KLF16: variants seen among roughly 807,000 people sequenced by gnomAD.
The protein encoded by KLF16 is KLF transcription factor 16, also known as Krueppel-like factor 16.
Under a neutral mutation model 6.1 loss-of-function variants are expected in KLF16, and 6 were observed. That is an observed-to-expected ratio of 0.98 (90% confidence interval 0.54 to 1.93). KLF16 has a LOEUF of 1.93. KLF16 is among the 30% of genes most tolerant of loss of function. KLF16 has a pLI of 0.01. For synonymous variants in KLF16, 211 were observed against 176.5 expected, an observed-to-expected ratio of 1.20 and a Z score of -1.55; for missense variants, 355 against 363.8, an observed-to-expected ratio of 0.98 and a Z score of 0.20.
At chr19:1,873,064 C>T in the KLF16 span, among the ~76,000 whole-genome samples, 5 of 152,186 alleles carry the variant, frequency 3.3e-5, no homozygotes, top group Non-Finnish European at 5.9e-5. Context: ...ACGGCCACCA[C>T]AGGCCAAGAG....
In KLF16 at chr19:1,853,004, T is replaced by C. The variant is rs964365756; in HGVS notation, c.*1455A>G. ...ACAAAAGGGGGTACCAAAAACCTCC[T>C]GCAGCCAACAGTGGGGGGATCCACC... On this transcript the variant is annotated 3_prime_UTR_variant, in exon 2 of 2. Transcript: ENST00000250916. 2 of 152,240 alleles carry C rather than the reference T, an allele frequency of 1.3e-5. No individual in the cohort carries two copies. The highest frequency in any genetic ancestry group is 2.9e-5 in the Non-Finnish European group (2 of 68,122). The allele number at this position is 152,240 out of a possible 1,614,324, so 9.4% of individuals were successfully genotyped here. A position where few individuals can be genotyped will look rare whatever the true frequency, so the allele number is the denominator to read the frequency against.
chr19:1,852,940 GC>G lies in KLF16; in HGVS notation c.*1518del. ...CAGGTGCACACCAGTGCCATCCAAA[GC>G]CCCCCTGTCCCCAAGCGAGAGGCAG... On this transcript the variant is annotated 3_prime_UTR_variant, in exon 2 of 2. Transcript: ENST00000250916. 1 of 152,280 alleles carries G rather than the reference GC, an allele frequency of 6.6e-6. No individual in the cohort carries two copies. The highest frequency in any genetic ancestry group is 1.5e-5 in the Non-Finnish European group (1 of 68,058). The allele number at this position is 152,280 out of a possible 1,614,324, so 9.4% of individuals were successfully genotyped here. A position where few individuals can be genotyped will look rare whatever the true frequency, so the allele number is the denominator to read the frequency against.
the KLF16 span, chr19:1,875,347 T>C: frequency 6.6e-6 from 1 of 152,216 alleles, no homozygotes. Context: ...TCTGAATGCA[T>C]GGGGCGCTCT....
chr19:1,875,679 G>C, the KLF16 span: 1 of 152,332 alleles, frequency 6.6e-6, no homozygotes, highest in African/African-American at 2.4e-5. Flanking sequence ...GACGGCGTCA[G>C]AGGACAACAC....
chr19:1,863,376 AGGCCGGCGGCGGGGCCCGCGCCCTCGG>A lies in KLF16; in HGVS notation c.95_121del (p.Pro32_Gly40del). 1.0e-6 allele frequency: 1 copy of A among 980,282 alleles called. No homozygotes were observed. Among genetic ancestry groups the A allele is most frequent in the East Asian group, 1.2e-4 (1 of 8,530 alleles). 60.7% of individuals were successfully genotyped at this position (980,282 alleles called of 1,614,324 possible). On this transcript the variant is annotated inframe_deletion, in exon 1 of 2. Transcript: ENST00000250916. ...CTCGCGGCGCGCCGCGCGCACATCCAGGCCGGCGGCGGGGCCCGCGCCCTCGGGGCCGGGCCGCCCGCGGTGCACCAC... is the reference window on the plus strand; with the variant it reads ...CTCGCGGCGCGCCGCGCGCACATCCAGGCCGGGCCGCCCGCGGTGCACCAC...
chr19:1,859,461 T>C lies in KLF16; in HGVS notation c.457+3580A>G, dbSNP rs573643591. On this transcript the variant is annotated intron_variant, in intron 1 of 1. Transcript: ENST00000250916. ...CTAATCCCTTCTCCATAAATGGATT[T>C]GCCTCTGCAAAGCCCAGCCTGCCTC... Among the ~76,000 whole-genome samples the C allele has an allele frequency of 2.6e-5, 4 of 152,162 alleles. No homozygotes were observed. The East Asian group carries it at 5.8e-4, about 22-fold the overall frequency.
In KLF16 at chr19:1,863,321, G is replaced by A. The variant is rs1159964771; in HGVS notation, c.177C>T (p.Pro59=). 5 of 981,434 alleles carry A rather than the reference G, an allele frequency of 5.1e-6. No individual in the cohort carries two copies. The highest frequency in any genetic ancestry group is 4.8e-6 in the Non-Finnish European group (4 of 828,870). The allele number at this position is 981,434 out of a possible 1,614,324, so 60.8% of individuals were successfully genotyped here. A position where few individuals can be genotyped will look rare whatever the true frequency, so the allele number is the denominator to read the frequency against. Residue 59 remains proline (P), a synonymous_variant, in exon 1 of 2, where the codon CCC becomes CCT. Transcript: ENST00000250916. ...GGCCAGAAGCGGCGGGGGGCGGCGG[G>A]GGTGGCCCCGGGGTCCCGGGTGAGG... ...EAASPGTPGP[P]PPPPAASGPG... is the part of the protein sequence containing the mutation.
chr19:1,873,869 G>A, the KLF16 span, among the ~76,000 whole-genome samples: 1 of 152,270 alleles, frequency 6.6e-6, no homozygotes, highest in Non-Finnish European at 1.5e-5. Flanking sequence ...ATGTGAGAGG[G>A]ACAGGCAGAG....
the KLF16 span, among the ~76,000 whole-genome samples, chr19:1,870,449 A>G: frequency 1.1e-4 from 17 of 151,596 alleles, no homozygotes. Flanking sequence ...AGGCGGGAGA[A>G]TCGCTTAAGG....
rs2011966061 is a variant in KLF16 at position 1,857,005 on chromosome 19, C to G, written c.458-2245G>C. Among the ~76,000 whole-genome samples, 1 of 143,140 alleles carries G rather than the reference C, an allele frequency of 7.0e-6. No homozygotes were observed. The highest frequency in any genetic ancestry group is 2.2e-4 in the South Asian group (1 of 4,638). 93.9% of individuals were successfully genotyped at this position (143,140 alleles called of 152,430 possible). A position where few individuals can be genotyped will look rare whatever the true frequency, so the allele number is the denominator to read the frequency against. On this transcript the variant is annotated intron_variant, in intron 1 of 1. Transcript: ENST00000250916. The surrounding 1 kb of genome is among the most constrained non-coding windows in gnomAD (Gnocchi z 4.7). The stretch of plus-strand genomic sequence containing the variant: ...GCGCAGCCGCTGGGAACACAGCTGC[C>G]GCACGTAGCTCGGCGGCGGCGGCGG...
upstream of KLF16, among the ~76,000 whole-genome samples, chr19:1,865,761 T>C (rs547674912): frequency 6.6e-6 from 1 of 152,272 alleles, no homozygotes; most frequent in East Asian, 1.9e-4. Context: ...TTCACACCCC[T>C]AAGCCCCAGG....
Position 1,854,475 on chromosome 19 carries a change from G to C in KLF16, c.743C>G (p.Ala248Gly). 1 of 1,419,824 alleles carries C rather than the reference G, an allele frequency of 7.0e-7. No individual in the cohort carries two copies. The highest frequency in any genetic ancestry group is 9.1e-7 in the Non-Finnish European group (1 of 1,099,484). The allele number at this position is 1,419,824 out of a possible 1,614,324, so 88.0% of individuals were successfully genotyped here. A position where few individuals can be genotyped will look rare whatever the true frequency, so the allele number is the denominator to read the frequency against. Residue 248 changes from alanine to glycine, a missense_variant, in exon 2 of 2, where the codon GCC becomes GGC. Ala to Gly is a moderately conservative substitution (Grantham distance 60). Transcript: ENST00000250916. ...SPAPSPAPSP[A>G]PAGL ...ACGAGGGCCCTACAGGCCTGCGGGG[G>C]CTGGGCTGGGCGCGGGGCTGGGCGC...
the KLF16 span, among the ~76,000 whole-genome samples, chr19:1,869,242 C>T: frequency 1.1e-4 from 16 of 152,240 alleles, no homozygotes; most frequent in African/African-American, 3.6e-4. Flanking sequence ...TTCCAGAGGC[C>T]GAGACAGGTG....
the KLF16 span, among the ~76,000 whole-genome samples, chr19:1,870,087 C>G: frequency 6.6e-6 from 1 of 151,816 alleles, no homozygotes; most frequent in Non-Finnish European, 1.5e-5. Flanking sequence ...CACGTGCCAC[C>G]AAACCCGGCT....
upstream of KLF16, among the ~76,000 whole-genome samples, chr19:1,867,243 A>G (rs1416802233): frequency 6.6e-6 from 1 of 152,210 alleles, no homozygotes; most frequent in Non-Finnish European, 1.5e-5. Context: ...TGCACCCACA[A>G]CATGGATACC....
intron 1 of KLF16, among the ~76,000 whole-genome samples, chr19:1,856,502 C>T (rs1011105770): frequency 9.2e-5 from 14 of 152,192 alleles, no homozygotes; most frequent in African/African-American, 3.4e-4. Flanking sequence ...GTCACCAAGA[C>T]CAACAGTAGC....
At chr19:1,864,230 G>T (rs548705763), upstream of KLF16, among the ~76,000 whole-genome samples, 4 of 151,732 alleles carry the variant, frequency 2.6e-5, no homozygotes, top group African/African-American at 9.7e-5. Flanking sequence ...CGTGGCCGGG[G>T]TTGGAGGGGT....
upstream of KLF16, among the ~76,000 whole-genome samples, chr19:1,865,813 A>G (rs911969676): frequency 2.6e-5 from 4 of 152,146 alleles, no homozygotes; most frequent in Non-Finnish European, 4.4e-5. Context: ...AACACAGACA[A>G]ACCTCCAGCA....
rs2145361500 is a variant in KLF16 at position 1,853,724 on chromosome 19, C to T, written c.*735G>A. 1 of 152,670 alleles carries T rather than the reference C, an allele frequency of 6.6e-6. No homozygotes were observed. The highest frequency in any genetic ancestry group is 1.9e-4 in the East Asian group (1 of 5,186). 9.5% of individuals were successfully genotyped at this position (152,670 alleles called of 1,614,324 possible). A position where few individuals can be genotyped will look rare whatever the true frequency, so the allele number is the denominator to read the frequency against. The stretch of plus-strand genomic sequence containing the variant: ...GAAAATAAATAAGCCAGGATTCCCT[C>T]CCGACCCCACTGAGTCAAATGTTCT... On this transcript the variant is annotated 3_prime_UTR_variant, in exon 2 of 2. Transcript: ENST00000250916.
Sources: allele counts gnomAD v4.1 joint callset (sites outside exome capture counted in the v4.1 genomes callset), GRCh38; gene constraint gnomAD v4.1.1; non-coding constraint Gnocchi (gnomAD v3.1); transcripts MANE v1.5; gene names NCBI Gene and HGNC (gene_info 2026-07-23, HGNC 2026-07-21).